HMCN1: variants seen among roughly 807,000 people sequenced by gnomAD.
HMCN1 encodes the protein hemicentin-1.
HMCN1 carries 321 observed loss-of-function variants against 625.9 expected under a neutral mutation model. The observed-to-expected ratio is 0.51, with a 90% CI of 0.47 to 0.56. The LOEUF is 0.56. HMCN1 is among the 20% of genes least tolerant of loss of function. The pLI, the probability that HMCN1 is intolerant of heterozygous loss-of-function variation, is 0.00. For synonymous variants in HMCN1, 2,425 were observed against 2,417.6 expected (o/e 1.00, Z -0.09); for missense variants, 6,588 against 6,887.3 (o/e 0.96, Z 1.54).
chr1:186,074,435 G>A lies in HMCN1; in HGVS notation c.8140-306G>A, dbSNP rs1658671047. Among the ~76,000 whole-genome samples the A allele has an allele frequency of 2.6e-5, 4 of 151,728 alleles. No individual in the cohort carries two copies. In the South Asian group the frequency reaches 8.3e-4, roughly 32 times the overall value. ...TCAGTGAAAAAAATTTTTCCAACAT[G>A]AATAAATTAATATGATAACTAAGAA... On this transcript the variant is annotated intron_variant, in intron 52 of 106. Coordinates refer to ENST00000271588, the MANE Select transcript of HMCN1 (RefSeq NM_031935.3).
At chr1:186,135,120 T>C (rs1424600632) in intron 86 of HMCN1, among the ~76,000 whole-genome samples, 1 of 152,204 alleles carries the variant, frequency 6.6e-6, no homozygotes, top group Non-Finnish European at 1.5e-5. Flanking sequence ...CCCAATGAAG[T>C]CTGTCATATT....
intron 11 of HMCN1, among the ~76,000 whole-genome samples, chr1:185,943,291 G>C (rs979388897): frequency 1.3e-5 from 2 of 152,152 alleles, no homozygotes; most frequent in African/African-American, 4.8e-5. Context: ...CTTATGATTG[G>C]TATCTGAAAT....
intron 97 of HMCN1, among the ~76,000 whole-genome samples, chr1:186,161,137 G>A (rs1425105656): frequency 1.3e-5 from 2 of 151,494 alleles, no homozygotes; most frequent in African/African-American, 4.8e-5. Flanking sequence ...AGGATAGTTA[G>A]CTCTTCTTGT....
At chr1:186,130,341 A>T (rs1300615169) in intron 84 of HMCN1, among the ~76,000 whole-genome samples, 166 bp from the exon 85 acceptor site, 1 of 152,128 alleles carries the variant, frequency 6.6e-6, no homozygotes, top group African/African-American at 2.4e-5. Context: ...AAATTGACAA[A>T]ATTATCTGGT....
At chr1:185,947,212 G>C (rs964054405) in intron 11 of HMCN1, among the ~76,000 whole-genome samples, 2 of 152,120 alleles carry the variant, frequency 1.3e-5, no homozygotes, top group African/African-American at 2.4e-5. Flanking sequence ...TTGTAGTTTA[G>C]GGTTGTCCAA....
intron 6 of HMCN1, among the ~76,000 whole-genome samples, chr1:185,920,784 G>A (rs1407986124): frequency 1.3e-5 from 2 of 151,984 alleles, no homozygotes; most frequent in Non-Finnish European, 2.9e-5. Context: ...GCAGTCATTT[G>A]GCAAATTACG....
intron 15 of HMCN1, among the ~76,000 whole-genome samples, chr1:185,971,415 T>G (rs970486575): frequency 4.6e-5 from 7 of 152,196 alleles, no homozygotes; most frequent in Non-Finnish European, 1.0e-4. Context: ...TCATGTCTCT[T>G]CACATTGTAG....
chr1:185,956,550 C>G lies in HMCN1; in HGVS notation c.1829-5968C>G, dbSNP rs758750785. On this transcript the variant is annotated intron_variant, in intron 11 of 106. Coordinates refer to ENST00000271588, the MANE Select transcript of HMCN1 (RefSeq NM_031935.3). ...GAAGTGGCACAGAGCTTCACACCAT[C>G]CTCCAGGAACCTCTATGTGTTCAGC... 5.3e-5 allele frequency among the ~76,000 whole-genome samples: 8 copies of G among 152,304 alleles called. No homozygotes were observed. In the East Asian group the frequency reaches 9.6e-4, roughly 18 times the overall value.
At chr1:186,134,735 A>C (rs1649489974) in intron 86 of HMCN1, among the ~76,000 whole-genome samples, 1 of 152,142 alleles carries the variant, frequency 6.6e-6, no homozygotes, top group Non-Finnish European at 1.5e-5. Context: ...TACACTTCTC[A>C]GTCTAAAATA....
intron 41 of HMCN1, 66 bp downstream of exon 41, chr1:186,045,929 ATTT>A: frequency 8.8e-7 from 1 of 1,142,446 alleles, no homozygotes; most frequent in Non-Finnish European, 1.3e-6. Flanking sequence ...GTATTACCCT[ATTT>A]AGCGTGACTG....
At chr1:185,760,448 G>A (rs946462882) in intron 1 of HMCN1, among the ~76,000 whole-genome samples, 1 of 152,206 alleles carries the variant, frequency 6.6e-6, no homozygotes, top group African/African-American at 2.4e-5. Flanking sequence ...TACAGCAACA[G>A]TTCTTCAACG....
At chr1:185,976,172 G>A (rs1383545687) in intron 15 of HMCN1, among the ~76,000 whole-genome samples, 2 of 152,084 alleles carry the variant, frequency 1.3e-5, no homozygotes, top group African/African-American at 4.8e-5. Flanking sequence ...CATCTCAACT[G>A]GTAAGAGATG....
intron 30 of HMCN1, among the ~76,000 whole-genome samples, chr1:186,014,443 A>C (rs1262634887): frequency 6.6e-6 from 1 of 151,992 alleles, no homozygotes; most frequent in African/African-American, 2.4e-5. Flanking sequence ...AAATTCATAC[A>C]CATGCCATTT....
intron 1 of HMCN1, among the ~76,000 whole-genome samples, chr1:185,782,261 C>T (rs1038776249): frequency 3.9e-5 from 6 of 152,144 alleles, no homozygotes; most frequent in East Asian, 1.9e-4. Flanking sequence ...AGATGGGTCT[C>T]CTGAATACAG....
intron 11 of HMCN1, among the ~76,000 whole-genome samples, chr1:185,943,647 A>C (rs1289711191): frequency 6.6e-6 from 1 of 152,192 alleles, no homozygotes; most frequent in African/African-American, 2.4e-5. Flanking sequence ...AATGTGTTCA[A>C]CAGCCCAGAA....
chr1:185,785,805 A>G (rs80173324), intron 1 of HMCN1, among the ~76,000 whole-genome samples: 7,514 of 152,218 alleles, frequency 0.049, 563 homozygotes, highest in African/African-American at 0.17. Context: ...ACATGAACAA[A>G]TCCCAGGACA....
intron 4 of HMCN1, among the ~76,000 whole-genome samples, chr1:185,866,991 T>C (rs1663291635): frequency 6.6e-6 from 1 of 152,188 alleles, no homozygotes; most frequent in African/African-American, 2.4e-5. Flanking sequence ...GTTCTATTAA[T>C]TTCATGACAG....
chr1:185,877,597 A>G (rs1012922904), intron 4 of HMCN1, among the ~76,000 whole-genome samples: 2 of 151,920 alleles, frequency 1.3e-5, no homozygotes, highest in African/African-American at 4.8e-5. Context: ...ATCCACGAGC[A>G]CAGGATGATT....
At chr1:185,931,743 A>C (rs572886088) in intron 10 of HMCN1, among the ~76,000 whole-genome samples, 1 of 152,178 alleles carries the variant, frequency 6.6e-6, no homozygotes, top group Non-Finnish European at 1.5e-5. Flanking sequence ...TTCTTCCTTC[A>C]TTAAGAAGTA....
Sources: gnomAD v4.1 joint callset for allele counts (sites outside exome capture counted in the v4.1 genomes callset) on GRCh38, gnomAD v4.1.1 for gene constraint, MANE v1.5 for transcripts, NCBI Gene and HGNC (gene_info 2026-07-23, HGNC 2026-07-21) for gene names.